Variants in TTN observed in about 807,000 individuals in gnomAD.
TTN encodes titin.
TTN carries 1,525 observed loss-of-function variants against 3,223.0 expected under a neutral mutation model. The ratio of observed to expected loss-of-function variants is 0.47; its 90% CI spans 0.45 to 0.49. The LOEUF (loss-of-function observed/expected upper bound fraction) is 0.49. Among genes scored for constraint, TTN ranks in the 20% least tolerant of loss-of-function variants. The probability of loss-of-function intolerance (pLI) is 0.00; values close to 1 mark genes in which losing one functional copy is unlikely to be tolerated. For synonymous variants in TTN, 14,094 were observed against 15,161.0 expected (o/e 0.93, Z 5.17); for missense variants, 40,786 against 43,424.0 (o/e 0.94, Z 5.40).
chr2:178,696,132 T>C lies in TTN; in HGVS notation c.30940A>G (p.Ile10314Val). 1 of 1,552,568 alleles carries C rather than the reference T, an allele frequency of 6.4e-7. No individual in the cohort carries two copies. Among genetic ancestry groups the C allele is most frequent in the Non-Finnish European group, 8.7e-7 (1 of 1,147,142 alleles). ...QAVHKEKRVFIESFEEPYDEL... is the reference protein window; with the variant it reads ...QAVHKEKRVFVESFEEPYDEL... Reference sequence around the variant, plus strand: ...TCATAAGGTTCTTCGAAAGATTCAATGAAGACTCTCTTCTCCTTGTGGACT... The same window carrying C: ...TCATAAGGTTCTTCGAAAGATTCAACGAAGACTCTCTTCTCCTTGTGGACT... Residue 10314 changes from isoleucine (I) to valine (V), a missense_variant, in exon 114 of 363, where the codon ATT becomes GTT. Coordinates refer to ENST00000589042, the MANE Select transcript of TTN (RefSeq NM_001267550.2).
intron 330 of TTN, chr2:178,556,410 G>A (rs1358345320): frequency 5.1e-5 from 10 of 197,170 alleles, no homozygotes; most frequent in South Asian, 4.9e-4. Context: ...CAGCCTGGGC[G>A]ACAGAGTGAG....
In TTN at chr2:178,717,281, T is replaced by G; in HGVS notation, c.25453A>C (p.Ile8485Leu). The change falls in exon 88 of 363, where the codon ATC (isoleucine) becomes CTC (leucine). Residue 8485 changes from isoleucine to leucine, a missense_variant. Coordinates refer to ENST00000589042, the MANE Select transcript of TTN (RefSeq NM_001267550.2). ...TTATCTTTGGCCCAAGTGATTTTGA[T>G]TGGTGCAGTCCCAGTTACATGACAT... ...FKCHVTGTAP[I>L]KITWAKDNRE... 1 of 1,613,712 alleles carries G rather than the reference T, an allele frequency of 6.2e-7. No individual in the cohort carries two copies. The highest frequency in any genetic ancestry group is 8.5e-7 in the Non-Finnish European group (1 of 1,179,690).
intron 346 of TTN, 73 bp from the exon 347 acceptor site, chr2:178,543,735 A>G: frequency 6.6e-7 from 1 of 1,522,232 alleles, no homozygotes; most frequent in South Asian, 1.3e-5. Flanking sequence ...AAATATAATC[A>G]ACATAGTTCC....
intron 9 of TTN, 46 bp downstream of exon 9, chr2:178,793,358 C>T (rs767016662): frequency 3.1e-6 from 5 of 1,608,000 alleles, no homozygotes; most frequent in South Asian, 1.1e-5. Flanking sequence ...TCTGTGTTGA[C>T]CCCTGTAAGA....
chr2:178,541,689 A>G (rs1177905152), intron 349 of TTN, 105 bp from the exon 350 acceptor site: 2 of 878,714 alleles, frequency 2.3e-6, no homozygotes, highest in Admixed American at 3.7e-5. Context: ...TTTAAAAGGT[A>G]CATAAGGCAC....
chr2:178,600,610 AAAATTACAGCGAGG>A, intron 288 of TTN: 2 of 522,778 alleles, frequency 3.8e-6, no homozygotes, highest in Non-Finnish European at 6.8e-6. Context: ...GACTGCGAGG[AAAATTACAGCGAGG>A]AAATTACAGA....
At chr2:178,798,270 A>G (rs1393374771) in intron 6 of TTN, among the ~76,000 whole-genome samples, 1 of 152,150 alleles carries the variant, frequency 6.6e-6, no homozygotes, top group Non-Finnish European at 1.5e-5. Context: ...AAATTGATCA[A>G]TAAACACTTC....
chr2:178,649,407 T>A, intron 212 of TTN, 76 bp from the exon 213 acceptor site: 1 of 1,339,628 alleles, frequency 7.5e-7, no homozygotes, highest in East Asian at 2.6e-5. Flanking sequence ...AAACCTGTAT[T>A]TATTGGAGCA....
Position 178,704,165 on chromosome 2 carries a change from C to T in TTN, c.30205G>A (p.Ala10069Thr), listed in dbSNP as rs1167245039. ...TCKYEDLETS[A>T]ELRIEAEPIQ... ...CACGCACCTTCGATTCTGAGTTCTG[C>T]TGAAGTTTCAAGGTCTTCATATTTG... Residue 10069 changes from alanine to threonine, a missense_variant, in exon 106 of 363, where the codon GCA (alanine) becomes ACA (threonine). By Grantham distance (58) the Ala-to-Thr change is moderately conservative (BLOSUM62 0). Coordinates refer to ENST00000589042, the MANE Select transcript of TTN (RefSeq NM_001267550.2). 2 of 1,613,768 alleles carry T rather than the reference C, an allele frequency of 1.2e-6. No homozygotes were observed. Among genetic ancestry groups the T allele is most frequent in the South Asian group, 1.1e-5 (1 of 91,086 alleles).
chr2:178,721,594 T>G (rs2078375188), intron 78 of TTN, among the ~76,000 whole-genome samples: 1 of 152,040 alleles, frequency 6.6e-6, no homozygotes, highest in Non-Finnish European at 1.5e-5. Context: ...ATGGACTAGA[T>G]AGTTAAAACA....
chr2:178,563,237 G>A lies in TTN; in HGVS notation c.82895C>T (p.Thr27632Ile), dbSNP rs1229009880. The change falls in exon 326 of 363, where the codon ACA (threonine) becomes ATA (isoleucine). Residue 27632 changes from threonine to isoleucine, a missense_variant. Coordinates refer to ENST00000589042, the MANE Select transcript of TTN (RefSeq NM_001267550.2). This position sits in a 1 kb window ranked among gnomAD's most constrained non-coding sequence, Gnocchi z 4.5. ...AGTGTTTTCTTTAAGCTTGGTCACT[G>A]TGAACTGCTTTCCTTGTAATCCTGT... ...PPTGLQGKQF[T>I]VTKLKENTEY... The A allele has an allele frequency of 1.2e-6, 2 of 1,613,714 alleles. No homozygotes were observed. The highest frequency in any genetic ancestry group is 1.1e-5 in the South Asian group (1 of 91,082).
intron 15 of TTN, among the ~76,000 whole-genome samples, chr2:178,785,148 A>G (rs2093075960): frequency 6.6e-6 from 1 of 152,182 alleles, no homozygotes. Context: ...CAACCCGACC[A>G]CCATACAGTA....
Position 178,616,865 on chromosome 2 carries a change from C to T in TTN, c.48024G>A (p.Arg16008=), listed in dbSNP as rs780824428. 2.5e-6 allele frequency: 4 copies of T among 1,612,612 alleles called. No individual in the cohort carries two copies. The East Asian group carries it at 6.7e-5, about 27-fold the overall frequency. ...FGDKVLETGD[R]VKMKTLSAYA... is the part of the protein sequence containing the mutation. ...AGGCAGACAAGGTCTTCATTTTCAC[C>T]CGGTCCCCTGTTTCTAGTACTTTAT... The change falls in exon 256 of 363, where the codon CGG becomes CGA. Residue 16008 remains arginine (R), a synonymous_variant. Coordinates refer to ENST00000589042, the MANE Select transcript of TTN (RefSeq NM_001267550.2).
rs1268007283 is a variant in TTN, at chr2:178,570,089, CCTT to C, written c.76040_76042del (p.Glu25347del). The C allele has an allele frequency of 6.2e-7, 1 of 1,613,430 alleles. No individual in the cohort carries two copies. The highest frequency in any genetic ancestry group is 8.5e-7 in the Non-Finnish European group (1 of 1,179,582). On this transcript the variant is annotated inframe_deletion, in exon 326 of 363. Coordinates refer to ENST00000589042, the MANE Select transcript of TTN (RefSeq NM_001267550.2). The stretch of plus-strand genomic sequence containing the variant: ...CTTATGGCATCTTGTCCATCTAATG[CCTT>C]CTTTATCCCGTTTCTCAAGAACATA...
Position 178,610,032 on chromosome 2 carries a change from TAAAAC to T in TTN, c.51437-51_51437-47del, listed in dbSNP as rs535440007. On this transcript the variant is annotated intron_variant, in intron 271 of 362. Coordinates refer to ENST00000589042, the MANE Select transcript of TTN (RefSeq NM_001267550.2). Reference sequence around the variant, plus strand: ...GTTAGTATCAGGAAAACCACCTTCTTAAAACAAAACTATGGTTTATTAGTTCTTAG... The same window carrying T: ...GTTAGTATCAGGAAAACCACCTTCTTAAAACTATGGTTTATTAGTTCTTAG... The T allele has an allele frequency of 6.1e-5, 99 of 1,610,584 alleles. No individual in the cohort carries two copies. The African/African-American group carries it at 1.3e-3, about 21-fold the overall frequency.
Position 178,696,181 on chromosome 2 carries a change from T to A in TTN, c.30891A>T (p.Glu10297Asp). 1 of 1,559,422 alleles carries A rather than the reference T, an allele frequency of 6.4e-7. No homozygotes were observed. The highest frequency in any genetic ancestry group is 8.7e-7 in the Non-Finnish European group (1 of 1,150,290). ...TRKKEVQKEKEAVYEKKQAVH... is the reference protein window; with the variant it reads ...TRKKEVQKEKDAVYEKKQAVH... ...CTGCTTGCTTTTTCTCATACACAGC[T>A]TCTTTTTCTTTCTGAACCTCTTTCT... is the stretch of plus-strand genomic sequence containing the variant. The change falls in exon 114 of 363, where the codon GAA (glutamate) becomes GAT (aspartate). Residue 10297 changes from glutamate to aspartate, a missense_variant. Coordinates refer to ENST00000589042, the MANE Select transcript of TTN (RefSeq NM_001267550.2).
intron 46 of TTN, among the ~76,000 whole-genome samples, chr2:178,754,195 C>T (rs2086336505): frequency 6.6e-6 from 1 of 151,834 alleles, no homozygotes; most frequent in Admixed American, 6.6e-5. Context: ...AAAAAGACTT[C>T]CAGGGGTTTG....
At position 178,621,388 on chromosome 2, in the gene TTN, A is replaced by C. The variant is rs759426047; in HGVS notation, c.45350-20T>G. The C allele has an allele frequency of 6.2e-7, 1 of 1,606,482 alleles. No individual in the cohort carries two copies. The highest frequency in any genetic ancestry group is 1.1e-5 in the South Asian group (1 of 89,384). On this transcript the variant is annotated intron_variant, in intron 245 of 362. Coordinates refer to ENST00000589042, the MANE Select transcript of TTN (RefSeq NM_001267550.2). The stretch of plus-strand genomic sequence containing the variant: ...CCAGTTCTGGGAAGAAAAAGTTACA[A>C]GATATTAGAAACATATGTCTTTGTA...
chr2:178,674,334 T>C lies in TTN; in HGVS notation c.34688A>G (p.Glu11563Gly). The C allele has an allele frequency of 6.3e-7, 1 of 1,595,292 alleles. No individual in the cohort carries two copies. The highest frequency in any genetic ancestry group is 8.6e-7 in the Non-Finnish European group (1 of 1,169,042). The stretch of plus-strand genomic sequence containing the variant: ...TATACCTCTAGGTGGTGCCACCTCT[T>C]CAACTTCCTCTATGCTAGGTGGTTC... ...PEEPPSIEEV[E>G]EVAPPRVPEV... Residue 11563 changes from glutamate to glycine, a missense_variant, in exon 151 of 363, where the codon GAA (glutamate) becomes GGA (glycine). By Grantham distance (98) the Glu-to-Gly change is moderately conservative. Transcript: ENST00000589042.
Sources: allele counts gnomAD v4.1 joint callset (sites outside exome capture counted in the v4.1 genomes callset), GRCh38; gene constraint gnomAD v4.1.1; non-coding constraint Gnocchi (gnomAD v3.1); transcripts MANE v1.5; gene names NCBI Gene and HGNC (gene_info 2026-07-23, HGNC 2026-07-21).